ENTREP2: variants seen among roughly 807,000 people sequenced by gnomAD.
The protein encoded by ENTREP2 is protein ENTREP2.
At chr15:29,452,050 C>T in the ENTREP2 span, among the ~76,000 whole-genome samples, 1 of 152,202 alleles carries the variant, frequency 6.6e-6, no homozygotes, top group South Asian at 2.1e-4. Flanking sequence ...TTAACTTTTA[C>T]TCATTTAAAA....
chr15:29,508,745 C>T, the ENTREP2 span, among the ~76,000 whole-genome samples: 3 of 152,130 alleles, frequency 2.0e-5, no homozygotes, highest in Non-Finnish European at 2.9e-5. Context: ...ATTGATGGAA[C>T]ATATCTCAAG....
chr15:29,276,627 G>A, the ENTREP2 span, among the ~76,000 whole-genome samples: 2 of 152,202 alleles, frequency 1.3e-5, no homozygotes, highest in African/African-American at 4.8e-5. Flanking sequence ...CTGCCTCAGG[G>A]CGAAGCCAAC....
At chr15:29,126,236 C>G in the ENTREP2 span, 1 of 1,436,682 alleles carries the variant, frequency 7.0e-7, no homozygotes, top group Admixed American at 2.8e-5. Context: ...TGGCCACACT[C>G]TGGGGACATG....
chr15:29,381,809 C>T, the ENTREP2 span: 1 of 1,551,634 alleles, frequency 6.4e-7, no homozygotes, highest in Non-Finnish European at 8.7e-7. Context: ...GGAGACGACA[C>T]CTATGAGTCC....
At chr15:29,514,206 T>C in the ENTREP2 span, among the ~76,000 whole-genome samples, 14 of 152,334 alleles carry the variant, frequency 9.2e-5, no homozygotes, top group East Asian at 2.5e-3. Context: ...ACTGAAACTC[T>C]ATATCCAATG....
chr15:29,389,220 T>C, the ENTREP2 span, among the ~76,000 whole-genome samples: 1 of 151,232 alleles, frequency 6.6e-6, no homozygotes. Context: ...GCTGACACCC[T>C]GATTTCAGAC....
chr15:29,385,158 A>G, the ENTREP2 span, among the ~76,000 whole-genome samples: 1 of 152,188 alleles, frequency 6.6e-6, no homozygotes. Context: ...GAAGTGTATT[A>G]AACTATCAAA....
At chr15:29,187,176 G>A in the ENTREP2 span, among the ~76,000 whole-genome samples, 3 of 152,276 alleles carry the variant, frequency 2.0e-5, no homozygotes, top group Admixed American at 1.3e-4. Flanking sequence ...AGGACAGAGG[G>A]AAGGATTGAA....
At chr15:29,223,494 G>A in the ENTREP2 span, among the ~76,000 whole-genome samples, 1 of 152,164 alleles carries the variant, frequency 6.6e-6, no homozygotes, top group Non-Finnish European at 1.5e-5. Flanking sequence ...CTAGCGGGGA[G>A]TCCAGTGGAC....
the ENTREP2 span, among the ~76,000 whole-genome samples, chr15:29,598,502 G>C: frequency 1.3e-5 from 2 of 152,264 alleles, no homozygotes; most frequent in East Asian, 3.9e-4. Context: ...GTGTTCATCA[G>C]GTCATGACAT....
chr15:29,131,421 G>A, the ENTREP2 span, among the ~76,000 whole-genome samples: 11 of 151,510 alleles, frequency 7.3e-5, no homozygotes, highest in Admixed American at 2.6e-4. Context: ...TCACTGGGTC[G>A]CACCCAAGAC....
the ENTREP2 span, among the ~76,000 whole-genome samples, chr15:29,626,900 A>G: frequency 6.6e-6 from 1 of 152,216 alleles, no homozygotes; most frequent in African/African-American, 2.4e-5. Context: ...TAAAAAAACA[A>G]ATAAAAATAA....
chr15:29,397,778 C>G, the ENTREP2 span, among the ~76,000 whole-genome samples: 2 of 152,072 alleles, frequency 1.3e-5, no homozygotes. Flanking sequence ...ATTTCCAAAG[C>G]TGTTTAAATT....
chr15:29,245,168 A>G, the ENTREP2 span, among the ~76,000 whole-genome samples: 1 of 152,218 alleles, frequency 6.6e-6, no homozygotes, highest in Non-Finnish European at 1.5e-5. Flanking sequence ...TGCGGCGAGT[A>G]GCCTCTTCAG....
chr15:29,442,991 T>C, the ENTREP2 span, among the ~76,000 whole-genome samples: 1 of 152,076 alleles, frequency 6.6e-6, no homozygotes, highest in Non-Finnish European at 1.5e-5. Context: ...ACCAATCCTC[T>C]CTCTGTCCCA....
the ENTREP2 span, among the ~76,000 whole-genome samples, chr15:29,470,731 TTCAAGACGTCTGACATGAGACAG>T: frequency 1.3e-5 from 2 of 152,214 alleles, no homozygotes; most frequent in Non-Finnish European, 2.9e-5. Context: ...ACGCTCTGCC[TTCAAGACGTCTGACATGAGACAG>T]TCCCTCAAAG....
the ENTREP2 span, among the ~76,000 whole-genome samples, chr15:29,482,720 GTTTA>G: frequency 2.0e-5 from 3 of 152,174 alleles, no homozygotes; most frequent in Non-Finnish European, 4.4e-5. Flanking sequence ...ATATCTCACA[GTTTA>G]TTTATCAATT....
At chr15:29,279,772 T>A in the ENTREP2 span, among the ~76,000 whole-genome samples, 6 of 152,166 alleles carry the variant, frequency 3.9e-5, no homozygotes, top group Non-Finnish European at 8.8e-5. Flanking sequence ...CTAGTTAATA[T>A]GGACAAGTGA....
At chr15:29,515,497 C>T in the ENTREP2 span, among the ~76,000 whole-genome samples, 3 of 152,158 alleles carry the variant, frequency 2.0e-5, no homozygotes, top group African/African-American at 7.2e-5. Flanking sequence ...TCCAGAAACA[C>T]CAGCTATCTG....
Sources: gnomAD v4.1 joint callset for allele counts (sites outside exome capture counted in the v4.1 genomes callset) on GRCh38, gnomAD v4.1.1 for gene constraint, MANE v1.5 for transcripts, NCBI Gene and HGNC (gene_info 2026-07-23, HGNC 2026-07-21) for gene names.